The following PITPNC1 variants were observed in gnomAD, a reference collection of about 807,000 sequenced individuals.
PITPNC1 encodes the protein cytoplasmic phosphatidylinositol transfer protein 1.
Under a neutral mutation model 44.7 loss-of-function variants are expected in PITPNC1, and 18 were observed. The ratio of observed to expected loss-of-function variants is 0.40; its 90% CI spans 0.28 to 0.60. PITPNC1 has a LOEUF of 0.60. Ranked by LOEUF, PITPNC1 falls within the 20% of genes least tolerant of loss-of-function variation. The probability of loss-of-function intolerance (pLI) is 0.39; values close to 1 mark genes in which losing one functional copy is unlikely to be tolerated. For missense variants in PITPNC1, 290 were observed against 418.4 expected, an observed-to-expected ratio of 0.69 and a Z score of 2.68; for synonymous variants, 141 against 149.6, an observed-to-expected ratio of 0.94 and a Z score of 0.42.
chr17:67,517,663 ATGTAT>A (rs2040275482), intron 1 of PITPNC1, among the ~76,000 whole-genome samples: 1 of 152,240 alleles, frequency 6.6e-6, no homozygotes, highest in African/African-American at 2.4e-5. Flanking sequence ...ACAAAAGGCC[ATGTAT>A]TGTATGATTC....
intron 1 of PITPNC1, among the ~76,000 whole-genome samples, chr17:67,447,079 G>A (rs555426184): frequency 2.6e-4 from 26 of 101,754 alleles, no homozygotes; most frequent in Non-Finnish European, 4.7e-4. Flanking sequence ...CATAGAGTGA[G>A]ACTCTGTCTC....
rs1215126373 is a variant in PITPNC1 at position 67,583,893 on chromosome 17, GTGTT to G, written c.366+5640_366+5643del. Among the ~76,000 whole-genome samples, 863 of 118,496 alleles carry G rather than the reference GTGTT, an allele frequency of 7.3e-3. 9 individuals are homozygous for G. The highest frequency in any genetic ancestry group is 0.023 in the African/African-American group (789 of 34,354). The allele number at this position is 118,496 out of a possible 152,430, so 77.7% of individuals were successfully genotyped here. On this transcript the variant is annotated intron_variant, in intron 5 of 8. Coordinates refer to ENST00000581322, the MANE Select transcript of PITPNC1 (RefSeq NM_012417.4). ...TGTGTGTGTGTGTGTGTGTGTGTGT[GTGTT>G]TGTGTGTGTGTGTGTTTGTGTTTAG...
rs577464177 is a variant in PITPNC1 at position 67,479,002 on chromosome 17, G to T, written c.49-53800G>T. Among the ~76,000 whole-genome samples, 13 of 151,978 alleles carry T rather than the reference G, an allele frequency of 8.6e-5. 1 individual carries two copies. The highest frequency in any genetic ancestry group is 3.4e-3 in the Middle Eastern group (1 of 294). ...GCACAGAGTGGAGAGGGCAGGCCAGGTTACCTCGGTGTCAAGCAATCATTA... is the reference window on the plus strand; with the variant it reads ...GCACAGAGTGGAGAGGGCAGGCCAGTTTACCTCGGTGTCAAGCAATCATTA... On this transcript the variant is annotated intron_variant, in intron 1 of 8. Transcript: ENST00000581322.
chr17:67,653,890 C>T (rs2042235524), intron 6 of PITPNC1, among the ~76,000 whole-genome samples: 2 of 152,184 alleles, frequency 1.3e-5, no homozygotes, highest in African/African-American at 4.8e-5. Context: ...ACAAGGAGAG[C>T]TTGTAAGTCA....
chr17:67,687,156 A>T, intron 8 of PITPNC1: 2 of 1,600,900 alleles, frequency 1.2e-6, no homozygotes, highest in South Asian at 2.2e-5. Flanking sequence ...TCCCCTGTGG[A>T]TGACATAGAG....
At chr17:67,543,663 G>A (rs980346710) in intron 2 of PITPNC1, among the ~76,000 whole-genome samples, 12 of 152,164 alleles carry the variant, frequency 7.9e-5, no homozygotes, top group Non-Finnish European at 1.0e-4. Flanking sequence ...TCCAATGTCC[G>A]TTGAAAATGC....
chr17:67,407,180 C>T (rs2038413622), intron 1 of PITPNC1, among the ~76,000 whole-genome samples: 1 of 152,178 alleles, frequency 6.6e-6, no homozygotes, highest in Admixed American at 6.5e-5. Context: ...ACTGTACTTT[C>T]TGTCTTTTTG....
chr17:67,654,726 G>A (rs960012312), intron 6 of PITPNC1, among the ~76,000 whole-genome samples: 1 of 152,118 alleles, frequency 6.6e-6, no homozygotes, highest in Non-Finnish European at 1.5e-5. Flanking sequence ...TCCACCTCCT[G>A]GGTTCAAGTG....
Position 67,501,603 on chromosome 17 carries a change from G to A in PITPNC1, c.49-31199G>A, listed in dbSNP as rs530658378. Among the ~76,000 whole-genome samples the A allele has an allele frequency of 7.2e-4, 110 of 152,264 alleles. 1 individual carries two copies. The highest frequency in any genetic ancestry group is 2.5e-3 in the African/African-American group (104 of 41,556). ...TTCCAGCAATTTGAGAGGCCAAGGC[G>A]GGCAGATTGCCTGAGGTCAGGAGTT... On this transcript the variant is annotated intron_variant, in intron 1 of 8. Coordinates refer to ENST00000581322, the MANE Select transcript of PITPNC1 (RefSeq NM_012417.4).
At chr17:67,533,148 T>G (rs1020925651) in intron 2 of PITPNC1, among the ~76,000 whole-genome samples, 198 bp downstream of exon 2, 1 of 152,216 alleles carries the variant, frequency 6.6e-6, no homozygotes, top group Admixed American at 6.5e-5. Flanking sequence ...AATCCCAATG[T>G]TTTTAGGAGG....
intron 5 of PITPNC1, among the ~76,000 whole-genome samples, chr17:67,590,618 G>A (rs867941702): frequency 6.6e-6 from 1 of 152,134 alleles, no homozygotes; most frequent in Admixed American, 6.6e-5. Context: ...CATGGACTAA[G>A]AGTATTTCTC....
chr17:67,654,582 G>A (rs1156574648), intron 6 of PITPNC1, among the ~76,000 whole-genome samples: 1 of 152,078 alleles, frequency 6.6e-6, no homozygotes, highest in Non-Finnish European at 1.5e-5. Context: ...AGGCTGGGCT[G>A]GGGACTTTGC....
intron 1 of PITPNC1, among the ~76,000 whole-genome samples, chr17:67,494,090 T>C (rs766407991): frequency 6.6e-6 from 1 of 152,204 alleles, no homozygotes. Context: ...ACGATACATA[T>C]GGTACTAAAA....
chr17:67,464,064 G>A (rs956634777), intron 1 of PITPNC1, among the ~76,000 whole-genome samples: 2 of 151,764 alleles, frequency 1.3e-5, no homozygotes, highest in Non-Finnish European at 2.9e-5. Context: ...ACAGTGGCTC[G>A]TGCCTGTAAT....
chr17:67,633,156 G>A (rs1385390312), intron 6 of PITPNC1, among the ~76,000 whole-genome samples: 1 of 152,058 alleles, frequency 6.6e-6, no homozygotes, highest in Non-Finnish European at 1.5e-5. Flanking sequence ...TCCCAGCCCT[G>A]CAATGACAGC....
intron 1 of PITPNC1, among the ~76,000 whole-genome samples, chr17:67,453,376 C>G (rs1425916253): frequency 2.0e-5 from 3 of 152,006 alleles, no homozygotes; most frequent in African/African-American, 7.3e-5. Context: ...ATAGACAGAG[C>G]AGGAGGAGGA....
intron 5 of PITPNC1, among the ~76,000 whole-genome samples, chr17:67,583,901 G>GTGTT (rs1289460215): frequency 7.2e-6 from 1 of 139,606 alleles, no homozygotes; most frequent in African/African-American, 2.6e-5. Context: ...GTGTGTTTGT[G>GTGTT]TGTGTGTGTG....
chr17:67,661,380 A>C (rs73997213), intron 6 of PITPNC1, among the ~76,000 whole-genome samples: 8,490 of 152,058 alleles, frequency 0.056, 282 homozygotes, highest in Middle Eastern at 0.12. Flanking sequence ...CTCTTTTGTC[A>C]ATATTGTTCT....
chr17:67,390,941 A>G (rs2038128802), intron 1 of PITPNC1, among the ~76,000 whole-genome samples: 1 of 152,158 alleles, frequency 6.6e-6, no homozygotes, highest in Admixed American at 6.5e-5. Flanking sequence ...ATTTCCCAGC[A>G]CTTTGACAAA....
Sources: gnomAD v4.1 joint callset for allele counts (sites outside exome capture counted in the v4.1 genomes callset) on GRCh38, gnomAD v4.1.1 for gene constraint, MANE v1.5 for transcripts, NCBI Gene and HGNC (gene_info 2026-07-23, HGNC 2026-07-21) for gene names.